Variants in TPRG1 observed in about 807,000 individuals in gnomAD.
The protein encoded by TPRG1 is tumor protein p63-regulated gene 1 protein.
In TPRG1, 29 loss-of-function variants were observed where a neutral mutation model predicts 29.3. The observed-to-expected ratio is 0.99, with a 90% CI of 0.74 to 1.35. The LOEUF is 1.35. TPRG1 is among the 40% of genes most tolerant of loss of function. The pLI, the probability that TPRG1 is intolerant of heterozygous loss-of-function variation, is 0.00. For synonymous variants in TPRG1, 130 were observed against 116.8 expected (o/e 1.11, Z -0.73); for missense variants, 327 against 335.0 (o/e 0.98, Z 0.19).
intron 3 of TPRG1, among the ~76,000 whole-genome samples, chr3:189,228,431 C>T (rs1738127954): frequency 6.6e-6 from 1 of 151,908 alleles, no homozygotes; most frequent in Non-Finnish European, 1.5e-5. Flanking sequence ...CATCATAACC[C>T]AAAGTGGGTA....
At chr3:189,164,246 T>G (rs942929836) in intron 5 of TPRG1, among the ~76,000 whole-genome samples, 1 of 152,148 alleles carries the variant, frequency 6.6e-6, no homozygotes, top group African/African-American at 2.4e-5. Flanking sequence ...CACTGCAACA[T>G]CCACCTTACA....
At chr3:189,194,775 A>G (rs1245486733) in intron 1 of TPRG1, among the ~76,000 whole-genome samples, 1 of 152,152 alleles carries the variant, frequency 6.6e-6, no homozygotes, top group African/African-American at 2.4e-5. Context: ...CTGGGATTTC[A>G]GGGCTCAGCA....
intron 3 of TPRG1, among the ~76,000 whole-genome samples, chr3:189,221,724 C>G (rs1736964341): frequency 6.6e-6 from 1 of 152,200 alleles, no homozygotes; most frequent in Non-Finnish European, 1.5e-5. Context: ...CTTTAAGTAT[C>G]CTGGTCCCCA....
chr3:189,292,656 A>G (rs1216735183), intron 4 of TPRG1, among the ~76,000 whole-genome samples: 1 of 152,144 alleles, frequency 6.6e-6, no homozygotes, highest in Non-Finnish European at 1.5e-5. Context: ...CTAGAGAACA[A>G]TTTCAGGGGT....
chr3:189,056,730 G>T (rs1346656826), intron 4 of TPRG1, among the ~76,000 whole-genome samples: 1 of 152,144 alleles, frequency 6.6e-6, no homozygotes, highest in Non-Finnish European at 1.5e-5. Flanking sequence ...GTGGTTACAA[G>T]AATCTCTCAG....
intron 4 of TPRG1, among the ~76,000 whole-genome samples, chr3:189,271,218 T>C (rs1715070260): frequency 6.6e-6 from 1 of 152,200 alleles, no homozygotes; most frequent in Non-Finnish European, 1.5e-5. Flanking sequence ...AGGGATGGGT[T>C]GCTTTAGACG....
At chr3:189,023,068 A>G (rs145796191) in intron 3 of TPRG1, among the ~76,000 whole-genome samples, 141 of 152,150 alleles carry the variant, frequency 9.3e-4, no homozygotes, top group South Asian at 2.7e-3. Flanking sequence ...GTGAGGCAAT[A>G]CCTCGCCCTG....
chr3:189,076,126 G>A (rs781376078), intron 4 of TPRG1, among the ~76,000 whole-genome samples: 41 of 152,256 alleles, frequency 2.7e-4, no homozygotes, highest in Admixed American at 4.6e-4. Context: ...AGGTATACTT[G>A]GCCTGAGATT....
intron 4 of TPRG1, among the ~76,000 whole-genome samples, chr3:189,264,168 CTG>C (rs1399749278): frequency 1.3e-5 from 2 of 152,134 alleles, no homozygotes; most frequent in African/African-American, 4.8e-5. Context: ...GTTTACTCCT[CTG>C]TAACATGAAA....
intron 3 of TPRG1, among the ~76,000 whole-genome samples, chr3:189,230,500 T>G (rs959012333): frequency 1.3e-5 from 2 of 152,214 alleles, no homozygotes; most frequent in African/African-American, 2.4e-5. Flanking sequence ...TCCACTCTCT[T>G]TGCTCTCTTG....
At chr3:189,143,340 A>C (rs1429178974) in intron 3 of TPRG1, among the ~76,000 whole-genome samples, 7 of 152,222 alleles carry the variant, frequency 4.6e-5, no homozygotes, top group African/African-American at 1.7e-4. Context: ...CAAGGTTGAC[A>C]ATGAGGACAC....
chr3:189,044,415 C>T (rs770499926), intron 4 of TPRG1, among the ~76,000 whole-genome samples: 1 of 151,988 alleles, frequency 6.6e-6, no homozygotes, highest in Non-Finnish European at 1.5e-5. Context: ...GTTGGCTGGG[C>T]GTGGTGGCAG....
intron 3 of TPRG1, among the ~76,000 whole-genome samples, chr3:189,023,114 T>A (rs1278887118): frequency 6.6e-6 from 1 of 152,208 alleles, no homozygotes; most frequent in Non-Finnish European, 1.5e-5. Flanking sequence ...CCCACTGACC[T>A]GCGCCCACTG....
chr3:189,197,684 C>A (rs943130820), intron 1 of TPRG1, among the ~76,000 whole-genome samples: 3 of 151,984 alleles, frequency 2.0e-5, no homozygotes, highest in African/African-American at 7.3e-5. Context: ...AGAATTTATC[C>A]CTGTAGGGGA....
Position 189,238,276 on chromosome 3 carries a change from G to T in TPRG1, c.303-457G>T, listed in dbSNP as rs906378748. 7.9e-5 allele frequency among the ~76,000 whole-genome samples: 12 copies of T among 152,324 alleles called. 1 individual carries two copies. The highest frequency in any genetic ancestry group is 2.6e-4 in the African/African-American group (11 of 41,578). ...CCAGTCTCCGACTTACTTCCAGTCA[G>T]CAGTGCAACCTTCGGAAATTAGTGT... On this transcript the variant is annotated intron_variant, in intron 3 of 5. Transcript: ENST00000345063.
At chr3:188,999,700 T>A (rs1209047958) in intron 1 of TPRG1, among the ~76,000 whole-genome samples, 1 of 152,138 alleles carries the variant, frequency 6.6e-6, no homozygotes, top group African/African-American at 2.4e-5. Flanking sequence ...TATTTATTAC[T>A]TTTTTTATTG....
intron 5 of TPRG1, among the ~76,000 whole-genome samples, chr3:189,312,071 A>G (rs1000480675): frequency 6.7e-6 from 1 of 150,098 alleles, no homozygotes; most frequent in Non-Finnish European, 1.5e-5. Context: ...AACAATGCAG[A>G]ACACTTTATG....
At chr3:189,153,785 C>A (rs1044447486) in intron 5 of TPRG1, among the ~76,000 whole-genome samples, 1 of 152,130 alleles carries the variant, frequency 6.6e-6, no homozygotes, top group Non-Finnish European at 1.5e-5. Context: ...AAAAGCAGAA[C>A]TGATTGGAAG....
At chr3:189,212,346 C>T (rs1484662435) in intron 2 of TPRG1, 1 of 152,130 alleles carries the variant, frequency 6.6e-6, no homozygotes, top group Admixed American at 6.6e-5. Flanking sequence ...GTCATTGCTT[C>T]CATGACACTA....
Sources: gnomAD v4.1 joint callset for allele counts (sites outside exome capture counted in the v4.1 genomes callset) on GRCh38, gnomAD v4.1.1 for gene constraint, MANE v1.5 for transcripts, NCBI Gene and HGNC (gene_info 2026-07-23, HGNC 2026-07-21) for gene names.